IL27RA: variants seen among roughly 807,000 people sequenced by gnomAD.
The protein encoded by IL27RA is interleukin 27 receptor subunit alpha.
A neutral mutation model predicts 80.8 loss-of-function variants in IL27RA; 61 were observed. The observed-to-expected ratio is 0.76, with a 90% CI of 0.61 to 0.93. IL27RA has a LOEUF of 0.93. IL27RA is among the 40% of genes least tolerant of loss of function. The pLI, the probability that IL27RA is intolerant of heterozygous loss-of-function variation, is 0.00. For missense variants in IL27RA, 735 were observed against 808.1 expected (o/e 0.91, Z 1.10); for synonymous variants, 316 against 332.5 (o/e 0.95, Z 0.54).
chr19:14,046,908 A>C (rs1364356614), intron 8 of IL27RA, among the ~76,000 whole-genome samples: 1 of 151,770 alleles, frequency 6.6e-6, no homozygotes, highest in Non-Finnish European at 1.5e-5. Flanking sequence ...GAGGCAGGAG[A>C]ATCGCTTGAA....
intron 5 of IL27RA, 29 bp downstream of exon 5, chr19:14,042,641 C>G: frequency 6.2e-7 from 1 of 1,614,054 alleles, no homozygotes; most frequent in East Asian, 2.2e-5. Context: ...GCCCTCAATC[C>G]ACGCCCCTCC....
At position 14,031,773 on chromosome 19, in the gene IL27RA, C is replaced by T. The variant is rs1427651166; in HGVS notation, c.-100C>T. The T allele has an allele frequency of 3.0e-6, 3 of 985,586 alleles. No homozygotes were observed. The highest frequency in any genetic ancestry group is 4.4e-6 in the Non-Finnish European group (3 of 685,126). 61.1% of individuals were successfully genotyped at this position (985,586 alleles called of 1,614,324 possible). On this transcript the variant is annotated 5_prime_UTR_variant, in exon 1 of 14. Transcript: ENST00000263379. ...GGCCTGCCGGGGTGGTTCGGCTTCC[C>T]GTTGCCGCCTCGGGCGCTGTACCCA...
Position 14,036,489 on chromosome 19 carries a change from C to CTTT in IL27RA, c.219-3004_219-3002dup, listed in dbSNP as rs34609073. On this transcript the variant is annotated intron_variant, in intron 2 of 13. Transcript: ENST00000263379. ...ACATTGTTACAAATGACAGGATTTC[C>CTTT]TTTTTTTTTTTTTTTTTGAGACAGA... is the stretch of plus-strand genomic sequence containing the variant. Among the ~76,000 whole-genome samples, 13 of 135,372 alleles carry CTTT rather than the reference C, an allele frequency of 9.6e-5. No individual in the cohort carries two copies. In the South Asian group the frequency reaches 1.4e-3, roughly 14 times the overall value. 88.8% of individuals were successfully genotyped at this position (135,372 alleles called of 152,430 possible). A position where few individuals can be genotyped will look rare whatever the true frequency, so the allele number is the denominator to read the frequency against.
chr19:14,039,614 A>G lies in IL27RA; in HGVS notation c.325A>G (p.Lys109Glu). 1 of 1,614,136 alleles carries G rather than the reference A, an allele frequency of 6.2e-7. No individual in the cohort carries two copies. The highest frequency in any genetic ancestry group is 8.5e-7 in the Non-Finnish European group (1 of 1,180,024). ...TGACAAACTCCTTGTCTGGGGCACT[A>G]AGGCAGGCCAGCCTCTCTGGCCCCC... ...MSDKLLVWGT[K>E]AGQPLWPPVF... The change falls in exon 3 of 14, where the codon AAG becomes GAG. Residue 109 changes from lysine (K) to glutamate (E), a missense_variant. Coordinates refer to ENST00000263379, the MANE Select transcript of IL27RA (RefSeq NM_004843.4).
intron 4 of IL27RA, among the ~76,000 whole-genome samples, chr19:14,042,154 G>C (rs557237637): frequency 6.8e-6 from 1 of 147,146 alleles, no homozygotes. Context: ...AGCTGAGATC[G>C]TGCCACTGCA....
At chr19:14,047,410 A>G (rs1429648620) in intron 8 of IL27RA, among the ~76,000 whole-genome samples, 1 of 149,182 alleles carries the variant, frequency 6.7e-6, no homozygotes, top group Non-Finnish European at 1.5e-5. Flanking sequence ...GCTGGAGTGC[A>G]ATGGTGTGAT....
At chr19:14,046,999 A>AAAAT (rs556835829) in intron 8 of IL27RA, among the ~76,000 whole-genome samples, 30 of 151,886 alleles carry the variant, frequency 2.0e-4, no homozygotes, top group African/African-American at 2.7e-4. Context: ...TCAGTCTCAA[A>AAAAT]AAATAAATAA....
At chr19:14,038,940 AGAAG>A (rs1387274873) in intron 2 of IL27RA, among the ~76,000 whole-genome samples, 1 of 150,872 alleles carries the variant, frequency 6.6e-6, no homozygotes, top group Non-Finnish European at 1.5e-5. Flanking sequence ...GAGGGAGGAA[AGAAG>A]GGAGAGGGAG....
chr19:14,048,486 G>T (rs1200771069), intron 8 of IL27RA, among the ~76,000 whole-genome samples: 1 of 152,100 alleles, frequency 6.6e-6, no homozygotes, highest in Non-Finnish European at 1.5e-5. Flanking sequence ...ACCATGGTAG[G>T]TGCTGTCAGT....
rs776326203 is a variant in IL27RA at position 14,046,522 on chromosome 19, C to G, written c.1045C>G (p.Leu349Val). The stretch of plus-strand genomic sequence containing the variant: ...CTGGCAACCGGGGCCTGGGGAACCA[C>G]TGGAGCATGTAGTGGACTGGGCTCG... ...VTWQPGPGEP[L>V]EHVVDWARDG... is the part of the protein sequence containing the mutation. Residue 349 changes from leucine (L) to valine (V), a missense_variant, in exon 8 of 14, where the codon CTG (leucine) becomes GTG (valine). Leu to Val is a conservative substitution (Grantham distance 32). Coordinates refer to ENST00000263379, the MANE Select transcript of IL27RA (RefSeq NM_004843.4). 4 of 1,614,132 alleles carry G rather than the reference C, an allele frequency of 2.5e-6. No homozygotes were observed. In the South Asian group the frequency reaches 3.3e-5, roughly 13 times the overall value.
intron 2 of IL27RA, among the ~76,000 whole-genome samples, chr19:14,036,635 C>T (rs890144542): frequency 2.9e-4 from 43 of 149,928 alleles, no homozygotes; most frequent in African/African-American, 3.2e-4. Flanking sequence ...ATTATAGGTG[C>T]GCATCTCCAC....
Position 14,052,713 on chromosome 19 carries a change from A to C in IL27RA, c.*423A>C. The C allele has an allele frequency of 1.3e-5, 2 of 156,180 alleles. No homozygotes were observed. The highest frequency in any genetic ancestry group is 2.4e-5 in the African/African-American group (1 of 41,602). The allele number at this position is 156,180 out of a possible 1,614,324, so 9.7% of individuals were successfully genotyped here. ...AGACCCCTCACTACAAAAATAAAAC[A>C]TCAAAAACAAAAACAATTAGCTGGG... On this transcript the variant is annotated 3_prime_UTR_variant, in exon 14 of 14. Transcript: ENST00000263379.
rs746346405 is a variant in IL27RA at position 14,031,992 on chromosome 19, C to T, written c.100+20C>T. On this transcript the variant is annotated intron_variant, in intron 1 of 13. Coordinates refer to ENST00000263379, the MANE Select transcript of IL27RA (RefSeq NM_004843.4). ...CCCAGGGTGAGTGCTGGAGGGAGCT[C>T]GTGTCCCGGGCGCTGCCGCTGCGCT... 20 of 1,589,102 alleles carry T rather than the reference C, an allele frequency of 1.3e-5. No homozygotes were observed. Among genetic ancestry groups the T allele is most frequent in the Admixed American group, 8.6e-5 (5 of 57,956 alleles).
At chr19:14,046,092 G>T in intron 6 of IL27RA, 62 bp from the exon 7 acceptor site, 1 of 1,483,028 alleles carries the variant, frequency 6.7e-7, no homozygotes, top group Non-Finnish European at 9.2e-7. Flanking sequence ...TGACCTCAGG[G>T]AGACACATAT....
intron 2 of IL27RA, among the ~76,000 whole-genome samples, chr19:14,032,939 T>C (rs1473993879): frequency 1.3e-5 from 2 of 151,826 alleles, no homozygotes. Context: ...GGCAAGTCAC[T>C]TTCCCTCTTT....
rs954881438 is a variant in IL27RA, at chr19:14,049,345, C to T, written c.1402+31C>T. ...CTTCCCTGCCTGCTGACCTGTCCTC[C>T]CAGCCCCCACAAGACCCACCCATCA... is the stretch of plus-strand genomic sequence containing the variant. On this transcript the variant is annotated intron_variant, in intron 10 of 13. Transcript: ENST00000263379. 1.4e-5 allele frequency: 23 copies of T among 1,597,488 alleles called. No individual in the cohort carries two copies. The African/African-American group carries it at 3.1e-4, about 21-fold the overall frequency.
chr19:14,042,633 C>T (rs1378376716), intron 5 of IL27RA, 21 bp downstream of exon 5: 2 of 1,613,914 alleles, frequency 1.2e-6, no homozygotes, highest in Non-Finnish European at 1.7e-6. Context: ...CTGGGCTTGC[C>T]CTCAATCCAC....
intron 4 of IL27RA, among the ~76,000 whole-genome samples, chr19:14,040,900 GA>G (rs146989112): frequency 1.4e-3 from 190 of 135,690 alleles, no homozygotes; most frequent in African/African-American, 5.9e-3. Context: ...CTGAGATGCA[GA>G]ATTTTTTTTT....
intron 2 of IL27RA, among the ~76,000 whole-genome samples, chr19:14,035,176 T>C (rs1388155934): frequency 1.3e-5 from 2 of 151,884 alleles, no homozygotes; most frequent in Admixed American, 6.6e-5. Context: ...TATATATTTT[T>C]AGTAGACACA....
Sources: allele counts gnomAD v4.1 joint callset (sites outside exome capture counted in the v4.1 genomes callset), GRCh38; gene constraint gnomAD v4.1.1; transcripts MANE v1.5; gene names NCBI Gene and HGNC (gene_info 2026-07-23, HGNC 2026-07-21).